Variants in GUCY2D observed in about 807,000 individuals in gnomAD.
The protein encoded by GUCY2D is retinal guanylyl cyclase 1.
In GUCY2D, 70 loss-of-function variants were observed where a neutral mutation model predicts 101.3. The observed-to-expected ratio is 0.69, with a 90% CI of 0.57 to 0.84. GUCY2D has a LOEUF of 0.84. Among genes scored for constraint, GUCY2D ranks in the 40% least tolerant of loss-of-function variants. The pLI is 0.00. For synonymous variants in GUCY2D, 688 were observed against 670.7 expected (o/e 1.03, Z -0.40); for missense variants, 1,460 against 1,542.5 (o/e 0.95, Z 0.90).
At position 8,013,138 on chromosome 17, in the gene GUCY2D, C is replaced by A; in HGVS notation, c.2149C>A (p.Pro717Thr). The A allele has an allele frequency of 6.2e-7, 1 of 1,613,670 alleles. No individual in the cohort carries two copies. Among genetic ancestry groups the A allele is most frequent in the Non-Finnish European group, 8.5e-7 (1 of 1,179,956 alleles). Residue 717 changes from proline (P) to threonine (T), a missense_variant, in exon 11 of 20, where the codon CCA becomes ACA. Physicochemically the swap from Pro to Thr is conservative, Grantham distance 38. This residue lies in a region of GUCY2D where 1,196 missense variants were observed against 1,229.6 expected (regional missense o/e 0.97). Coordinates refer to ENST00000254854, the MANE Select transcript of GUCY2D (RefSeq NM_000180.4). This position sits in a 1 kb window ranked among gnomAD's most constrained non-coding sequence, Gnocchi z 5.0. Reference sequence around the variant, plus strand: ...GACAGCCCCGGAGCTGCTTAGGGACCCAGCCCTGGAGCGCCGGGGAACGCT... The same window carrying A: ...GACAGCCCCGGAGCTGCTTAGGGACACAGCCCTGGAGCGCCGGGGAACGCT... ...LWTAPELLRD[P>T]ALERRGTLAG...
In GUCY2D at chr17:8,014,116, G is replaced by C. The variant is rs922613576; in HGVS notation, c.2412+88G>C. On this transcript the variant is annotated intron_variant, in intron 12 of 19. Transcript: ENST00000254854. The surrounding 1 kb of genome is among the most constrained non-coding windows in gnomAD (Gnocchi z 4.0). ...ACCTGAGACAGCTGCAGACAGGCAGGCTGGCAGGACCTCTGGCCTTCCAGG... is the reference window on the plus strand; with the variant it reads ...ACCTGAGACAGCTGCAGACAGGCAGCCTGGCAGGACCTCTGGCCTTCCAGG... The C allele has an allele frequency of 4.0e-6, 5 of 1,264,362 alleles. No homozygotes were observed. The highest frequency in any genetic ancestry group is 3.4e-5 in the Admixed American group (2 of 59,440). 78.3% of individuals were successfully genotyped at this position (1,264,362 alleles called of 1,614,324 possible).
Position 8,003,735 on chromosome 17 carries a change from C to G in GUCY2D, c.688C>G (p.Leu230Val). ...GGACCTGTCTGGAGCCCGGGAGGCC[C>G]TGAGGAAGGTTCGGGACGGGCCCAG... Reference protein sequence around the residue: ...PLDLSGAREALRKVRDGPRVT... With the variant: ...PLDLSGAREAVRKVRDGPRVT... Residue 230 changes from leucine (L) to valine (V), a missense_variant, in exon 2 of 20, where the codon CTG becomes GTG. Transcript: ENST00000254854. 1 of 1,598,662 alleles carries G rather than the reference C, an allele frequency of 6.3e-7. No individual in the cohort carries two copies. The highest frequency in any genetic ancestry group is 8.5e-7 in the Non-Finnish European group (1 of 1,179,712).
Position 8,003,860 on chromosome 17 carries a change from A to T in GUCY2D, c.730A>T (p.Met244Leu). ...RDGPRVTAVI[M>L]VMHSVLLGGE... Reference sequence around the variant, plus strand: ...CAAGCCTCTGTCCGCAGCAGTGATCATGGTGATGCACTCGGTGCTGCTGGG... The same window carrying T: ...CAAGCCTCTGTCCGCAGCAGTGATCTTGGTGATGCACTCGGTGCTGCTGGG... Residue 244 changes from methionine to leucine, a missense_variant, in exon 3 of 20, where the codon ATG (methionine) becomes TTG (leucine). Transcript: ENST00000254854. 1 of 1,612,226 alleles carries T rather than the reference A, an allele frequency of 6.2e-7. No individual in the cohort carries two copies. The highest frequency in any genetic ancestry group is 8.5e-7 in the Non-Finnish European group (1 of 1,179,704).
At chr17:8,007,382 C>G (rs746859702) in intron 5 of GUCY2D, 44 bp from the exon 6 acceptor site, 16 of 1,324,980 alleles carry the variant, frequency 1.2e-5, no homozygotes, top group African/African-American at 1.4e-5. Flanking sequence ...TCTCTTCTGA[C>G]GGAACTTGGT....
chr17:8,007,987 C>A lies in GUCY2D; in HGVS notation c.1623C>A (p.Ser541Arg). The change falls in exon 7 of 20, where the codon AGC becomes AGA. Residue 541 changes from serine to arginine, a missense_variant. Ser to Arg is a moderately radical substitution (Grantham distance 110). This residue lies in a region of GUCY2D where 1,196 missense variants were observed against 1,229.6 expected (regional missense o/e 0.97). Coordinates refer to ENST00000254854, the MANE Select transcript of GUCY2D (RefSeq NM_000180.4). ...CCCGCAGCATGTCAGACATTCGCAG[C>A]GGCCCCAGCCAACACTTGGACAGCC... is the stretch of plus-strand genomic sequence containing the variant. Reference protein sequence around the residue: ...LGARSMSDIRSGPSQHLDSPN... With the variant: ...LGARSMSDIRRGPSQHLDSPN... 6.2e-7 allele frequency: 1 copy of A among 1,613,556 alleles called. No individual in the cohort carries two copies. Among genetic ancestry groups the A allele is most frequent in the South Asian group, 1.1e-5 (1 of 91,018 alleles).
rs551078742 is a variant in GUCY2D at position 8,006,241 on chromosome 17, C to G, written c.1027-122C>G. ...GAAGAGATAGCCAATGGGGAGGGAT[C>G]CTGGGAACAACTAACTGGAAGGTGG... On this transcript the variant is annotated intron_variant, in intron 3 of 19. Transcript: ENST00000254854. 660 of 761,586 alleles carry G rather than the reference C, an allele frequency of 8.7e-4. 11 individuals carry two copies. The South Asian group carries it at 9.3e-3, about 11-fold the overall frequency. The allele number at this position is 761,586 out of a possible 1,614,324, so 47.2% of individuals were successfully genotyped here.
chr17:8,003,709 T>A lies in GUCY2D; in HGVS notation c.662T>A (p.Leu221Ter). 5 of 1,598,204 alleles carry A rather than the reference T, an allele frequency of 3.1e-6. No individual in the cohort carries two copies. Among genetic ancestry groups the A allele is most frequent in the Non-Finnish European group, 4.2e-6 (5 of 1,179,622 alleles). The change falls in exon 2 of 20, where the codon TTG (leucine) becomes TAG (stop). Residue 221 changes from leucine to a stop codon, truncating the protein, a stop_gained. Transcript: ENST00000254854. LOFTEE classifies it high-confidence loss of function. ...PVASVTSMEP[L>*]DLSGAREALR... ...GCCTCCGTGACTTCCATGGAGCCCT[T>A]GGACCTGTCTGGAGCCCGGGAGGCC...
chr17:8,018,850 T>A (rs1428464024), intron 19 of GUCY2D, among the ~76,000 whole-genome samples: 1 of 151,562 alleles, frequency 6.6e-6, no homozygotes, highest in East Asian at 1.9e-4. Context: ...TTTTTTTTTT[T>A]AAACTGATTC....
chr17:8,010,678 G>T (rs932329312), intron 8 of GUCY2D, among the ~76,000 whole-genome samples: 8 of 151,842 alleles, frequency 5.3e-5, no homozygotes, highest in Non-Finnish European at 1.2e-4. Flanking sequence ...TGTGGTGGCG[G>T]GCGCCTGTAG....
In GUCY2D at chr17:8,013,084, G is replaced by A. The variant is rs1435137392; in HGVS notation, c.2114-19G>A. On this transcript the variant is annotated intron_variant, in intron 10 of 19. Coordinates refer to ENST00000254854, the MANE Select transcript of GUCY2D (RefSeq NM_000180.4). The surrounding 1 kb of genome is among the most constrained non-coding windows in gnomAD (Gnocchi z 5.0). ...GGAGTCTTTCCCCAGCGGCGCCTCA[G>A]CCCCTTCCCCATCCCCAGACCAGCT... 6.2e-7 allele frequency: 1 copy of A among 1,608,576 alleles called. No individual in the cohort carries two copies. The highest frequency in any genetic ancestry group is 8.5e-7 in the Non-Finnish European group (1 of 1,178,184).
Position 8,003,337 on chromosome 17 carries a change from A to C in GUCY2D, c.290A>C (p.Glu97Ala). 2 of 1,481,462 alleles carry C rather than the reference A, an allele frequency of 1.4e-6. No homozygotes were observed. Among genetic ancestry groups the C allele is most frequent in the African/African-American group, 1.5e-5 (1 of 68,110 alleles). The allele number at this position is 1,481,462 out of a possible 1,614,324, so 91.8% of individuals were successfully genotyped here. Residue 97 changes from glutamate to alanine, a missense_variant, in exon 2 of 20, where the codon GAG (glutamate) becomes GCG (alanine). Coordinates refer to ENST00000254854, the MANE Select transcript of GUCY2D (RefSeq NM_000180.4). ...GGCCTGGCAGGCGGTCCCCGCTTCG[A>C]GGTAGCGCTGCTGCCCGAGCCTTGC... ...DPGLAGGPRF[E>A]VALLPEPCRT... is the part of the protein sequence containing the mutation.
At chr17:8,009,013 C>T (rs1007225665) in intron 7 of GUCY2D, among the ~76,000 whole-genome samples, 2 of 152,194 alleles carry the variant, frequency 1.3e-5, no homozygotes, top group Non-Finnish European at 2.9e-5. Context: ...TTGGGCCCTT[C>T]GGAGCACGAG....
intron 17 of GUCY2D, 36 bp from the exon 18 acceptor site, chr17:8,016,169 T>C: frequency 6.9e-7 from 1 of 1,443,234 alleles, no homozygotes; most frequent in Non-Finnish European, 9.6e-7. Flanking sequence ...CTCACCCCAG[T>C]CCGCCTAAGT....
intron 8 of GUCY2D, among the ~76,000 whole-genome samples, chr17:8,010,691 C>T (rs1431749913): frequency 6.6e-6 from 1 of 151,672 alleles, no homozygotes; most frequent in Non-Finnish European, 1.5e-5. Flanking sequence ...GCCTGTAGTC[C>T]CAGCTACTGT....
At chr17:8,009,645 C>T in intron 8 of GUCY2D, 59 bp downstream of exon 8, 1 of 1,084,794 alleles carries the variant, frequency 9.2e-7, no homozygotes. Flanking sequence ...TCCTTGCCTT[C>T]TCTTTGCAGC....
Position 8,006,647 on chromosome 17 carries a change from G to T in GUCY2D, c.1311G>T (p.Pro437=). 1 of 1,612,730 alleles carries T rather than the reference G, an allele frequency of 6.2e-7. No homozygotes were observed. Among genetic ancestry groups the T allele is most frequent in the Non-Finnish European group, 8.5e-7 (1 of 1,179,506 alleles). ...CCGCCGGTACCCGGATGCACTTCCCGCGTGGGGGATCAGCACCCGGACCTG... is the reference window on the plus strand; with the variant it reads ...CCGCCGGTACCCGGATGCACTTCCCTCGTGGGGGATCAGCACCCGGACCTG... The part of the protein sequence containing the change: ...FLSAGTRMHF[P]RGGSAPGPDP... Residue 437 remains proline, a synonymous_variant, in exon 4 of 20, where the codon CCG becomes CCT. Transcript: ENST00000254854.
chr17:8,002,698 CA>C lies in GUCY2D; in HGVS notation c.-45del, dbSNP rs1295464617. ...AAGGGGGACCGGCCCTGTGACCCCTCACCGGGGGCCGTGGGCCCGAGCCCCC... is the reference window on the plus strand; with the variant it reads ...AAGGGGGACCGGCCCTGTGACCCCTCCCGGGGGCCGTGGGCCCGAGCCCCC... On this transcript the variant is annotated 5_prime_UTR_variant, in exon 1 of 20. Coordinates refer to ENST00000254854, the MANE Select transcript of GUCY2D (RefSeq NM_000180.4). The surrounding 1 kb of genome is among the most constrained non-coding windows in gnomAD (Gnocchi z 4.9). 7.6e-6 allele frequency: 1 copy of C among 130,958 alleles called. No homozygotes were observed. Among genetic ancestry groups the C allele is most frequent in the African/African-American group, 2.7e-4 (1 of 3,646 alleles). The allele number at this position is 130,958 out of a possible 1,614,324, so 8.1% of individuals were successfully genotyped here. A position where few individuals can be genotyped will look rare whatever the true frequency, so the allele number is the denominator to read the frequency against.
At position 8,014,530 on chromosome 17, in the gene GUCY2D, A is replaced by G. The variant is rs938097364; in HGVS notation, c.2413-71A>G. 1.4e-6 allele frequency: 2 copies of G among 1,420,706 alleles called. No homozygotes were observed. Among genetic ancestry groups the G allele is most frequent in the African/African-American group, 1.4e-5 (1 of 71,158 alleles). The allele number at this position is 1,420,706 out of a possible 1,614,324, so 88.0% of individuals were successfully genotyped here. ...AGTGAACAGCCCCATGAGAGGGCCCATGAGGGGGGCATAAAGAGGGCATGG... is the reference window on the plus strand; with the variant it reads ...AGTGAACAGCCCCATGAGAGGGCCCGTGAGGGGGGCATAAAGAGGGCATGG... On this transcript the variant is annotated intron_variant, in intron 12 of 19. Transcript: ENST00000254854. The surrounding 1 kb of genome is among the most constrained non-coding windows in gnomAD (Gnocchi z 4.0).
chr17:8,003,074 T>C lies in GUCY2D; in HGVS notation c.27T>C (p.Gly9=). MTACARRA[G]GLPDPGLCGP... ...TGACCGCCTGCGCCCGCCGAGCGGG[T>C]GGGCTTCCGGACCCCGGGCTCTGCG... Residue 9 remains glycine, a synonymous_variant, in exon 2 of 20, where the codon GGT becomes GGC. Coordinates refer to ENST00000254854, the MANE Select transcript of GUCY2D (RefSeq NM_000180.4). 6.6e-7 allele frequency: 1 copy of C among 1,526,422 alleles called. No individual in the cohort carries two copies. Among genetic ancestry groups the C allele is most frequent in the South Asian group, 1.2e-5 (1 of 82,356 alleles). 94.6% of individuals were successfully genotyped at this position (1,526,422 alleles called of 1,614,324 possible).
Sources: gnomAD v4.1 joint callset for allele counts (sites outside exome capture counted in the v4.1 genomes callset) on GRCh38, gnomAD v4.1.1 for gene constraint, gnomAD v4.1.1 regional missense constraint, Gnocchi (gnomAD v3.1) non-coding constraint, MANE v1.5 for transcripts, NCBI Gene and HGNC (gene_info 2026-07-23, HGNC 2026-07-21) for gene names.